The following USP34 variants were observed in gnomAD, a reference collection of about 807,000 sequenced individuals.
USP34 encodes the protein ubiquitin specific peptidase 34, also known as ubiquitin carboxyl-terminal hydrolase 34.
In USP34, 70 loss-of-function variants were observed where a neutral mutation model predicts 460.3. The observed-to-expected ratio is 0.15, with a 90% CI of 0.13 to 0.19. The LOEUF (loss-of-function observed/expected upper bound fraction) is 0.19, where lower values mean the gene tolerates loss of function less well. USP34 is among the 10% of genes least tolerant of loss of function. The probability of loss-of-function intolerance (pLI) is 1.00; values close to 1 mark genes in which losing one functional copy is unlikely to be tolerated. For missense variants in USP34, 3,985 were observed against 4,236.2 expected, an observed-to-expected ratio of 0.94 and a Z score of 1.65; for synonymous variants, 1,647 against 1,405.3, an observed-to-expected ratio of 1.17 and a Z score of -3.85.
intron 22 of USP34, among the ~76,000 whole-genome samples, chr2:61,318,629 A>T (rs926800694): frequency 3.3e-5 from 5 of 152,242 alleles, no homozygotes; most frequent in African/African-American, 1.2e-4. Context: ...TAGTTCATTC[A>T]GAAAAATGTC....
chr2:61,388,936 A>ATAAATTGG (rs1365875616), intron 5 of USP34, among the ~76,000 whole-genome samples: 2 of 152,162 alleles, frequency 1.3e-5, no homozygotes, highest in Admixed American at 6.6e-5. Context: ...CACCAGTAAA[A>ATAAATTGG]TAAATTGGTA....
intron 27 of USP34, among the ~76,000 whole-genome samples, chr2:61,304,934 CA>C (rs1210176211): frequency 1.3e-5 from 2 of 152,052 alleles, no homozygotes; most frequent in African/African-American, 2.4e-5. Context: ...CATTTCAAGA[CA>C]AAATGAAATC....
chr2:61,397,998 G>A (rs1488292327), intron 3 of USP34, among the ~76,000 whole-genome samples: 1 of 152,094 alleles, frequency 6.6e-6, no homozygotes, highest in African/African-American at 2.4e-5. Context: ...ACCCGCTTGG[G>A]GGAGGGGGGT....
chr2:61,421,881 A>T (rs1056627370), intron 1 of USP34, among the ~76,000 whole-genome samples: 4 of 152,196 alleles, frequency 2.6e-5, no homozygotes, highest in South Asian at 2.1e-4. Flanking sequence ...CAGCTCCAGA[A>T]ATGCTGGTAA....
In USP34 at chr2:61,347,893, G is replaced by A. The variant is rs961256182; in HGVS notation, c.2262C>T (p.His754=). 3 of 1,613,082 alleles carry A rather than the reference G, an allele frequency of 1.9e-6. No homozygotes were observed. Among genetic ancestry groups the A allele is most frequent in the Admixed American group, 1.7e-5 (1 of 60,004 alleles). ...ACCCATCGTGGTGGTGGTGATGGTG[G>A]TGGTGGTGGTGGTGATGCTGTGGAC... The part of the protein sequence containing the change: ...FIGPQHHHHH[H]HHHHHHDGHM... Residue 754 remains histidine, a synonymous_variant, in exon 15 of 80, where the codon CAC becomes CAT. Transcript: ENST00000398571.
chr2:61,415,798 C>T (rs908699870), intron 2 of USP34, among the ~76,000 whole-genome samples: 1 of 152,106 alleles, frequency 6.6e-6, no homozygotes. Flanking sequence ...TCAGTTTTAC[C>T]GTTATTTCCA....
intron 70 of USP34, chr2:61,207,989 C>A (rs1199038613): frequency 1.3e-5 from 2 of 152,228 alleles, no homozygotes; most frequent in Non-Finnish European, 2.9e-5. Context: ...GGCTCACGTA[C>A]CTCTGGTGAC....
In USP34 at chr2:61,307,734, A is replaced by C. The variant is rs1690457181; in HGVS notation, c.3817+3806T>G. The stretch of plus-strand genomic sequence containing the variant: ...AGAAGACCGAGAGTACAAAGCTTTA[A>C]AGGAAGTTTATTAGAAAGAAGGGTC... On this transcript the variant is annotated intron_variant, in intron 27 of 79. Coordinates refer to ENST00000398571, the MANE Select transcript of USP34 (RefSeq NM_014709.4). 2.0e-5 allele frequency among the ~76,000 whole-genome samples: 3 copies of C among 152,134 alleles called. No homozygotes were observed. The South Asian group carries it at 6.2e-4, about 32-fold the overall frequency.
intron 1 of USP34, among the ~76,000 whole-genome samples, chr2:61,429,604 G>A (rs1694609119): frequency 6.6e-6 from 1 of 151,696 alleles, no homozygotes. Flanking sequence ...AGGTAACAGG[G>A]CAAGACTACC....
chr2:61,229,483 A>AAAAAAAC, intron 59 of USP34, 65 bp downstream of exon 59: 1 of 805,770 alleles, frequency 1.2e-6, no homozygotes, highest in Non-Finnish European at 1.7e-6. Flanking sequence ...AAACAAAAAA[A>AAAAAAAC]AAAAACAAAA....
At chr2:61,438,281 A>G (rs927979500) in intron 1 of USP34, among the ~76,000 whole-genome samples, 2 of 152,170 alleles carry the variant, frequency 1.3e-5, no homozygotes, top group South Asian at 4.1e-4. Flanking sequence ...AATCGGAAAA[A>G]GCATTTGATA....
intron 42 of USP34, 44 bp from the exon 43 acceptor site, chr2:61,265,601 A>G: frequency 6.4e-7 from 1 of 1,554,758 alleles, no homozygotes; most frequent in Non-Finnish European, 8.7e-7. Context: ...CAAACAAACT[A>G]TGAAACACAA....
At chr2:61,385,671 C>CAAAAAAAAAAAAA (rs61200102) in intron 5 of USP34, among the ~76,000 whole-genome samples, 1 of 46,002 alleles carries the variant, frequency 2.2e-5, no homozygotes, top group Non-Finnish European at 3.7e-5. Flanking sequence ...GACTCTGTCT[C>CAAAAAAAAAAAAA]AAAAAAAAAA....
At chr2:61,403,231 C>CAGG (rs1179062583) in intron 3 of USP34, among the ~76,000 whole-genome samples, 1 of 151,952 alleles carries the variant, frequency 6.6e-6, no homozygotes, top group Non-Finnish European at 1.5e-5. Flanking sequence ...AAACAAAGTA[C>CAGG]AGGAGTGTAA....
At chr2:61,332,659 A>G (rs544505141) in intron 19 of USP34, among the ~76,000 whole-genome samples, 2 of 152,128 alleles carry the variant, frequency 1.3e-5, no homozygotes, top group African/African-American at 4.8e-5. Flanking sequence ...AAAATTATAG[A>G]AAGAGGCAAT....
In USP34 at chr2:61,348,226, C is replaced by T; in HGVS notation, c.1929G>A (p.Arg643=). The part of the protein sequence containing the change: ...PPKSSCGTDL[R]NRKLESQAGI... Reference sequence around the variant, plus strand: ...CTGCTTGACTCTCTAACTTTCTATTCCGAAGATCTGTACCACAACTGCTTT... The same window carrying T: ...CTGCTTGACTCTCTAACTTTCTATTTCGAAGATCTGTACCACAACTGCTTT... The change falls in exon 15 of 80, where the codon CGG becomes CGA. Residue 643 remains arginine, a synonymous_variant. Coordinates refer to ENST00000398571, the MANE Select transcript of USP34 (RefSeq NM_014709.4). 1.2e-6 allele frequency: 2 copies of T among 1,614,200 alleles called. No homozygotes were observed. The highest frequency in any genetic ancestry group is 1.7e-6 in the Non-Finnish European group (2 of 1,180,018).
intron 27 of USP34, among the ~76,000 whole-genome samples, chr2:61,311,156 A>G (rs1438766511): frequency 6.6e-6 from 1 of 152,168 alleles, no homozygotes; most frequent in African/African-American, 2.4e-5. Flanking sequence ...CTCCAATGCA[A>G]CAGGTTTTAG....
chr2:61,328,184 C>T (rs889372566), intron 20 of USP34, among the ~76,000 whole-genome samples: 2 of 151,878 alleles, frequency 1.3e-5, no homozygotes, highest in Non-Finnish European at 2.9e-5. Context: ...CACCTGGATT[C>T]CCAGCTACTC....
Position 61,343,905 on chromosome 2 carries a change from C to G in USP34, c.2410G>C (p.Val804Leu), listed in dbSNP as rs759950967. The G allele has an allele frequency of 3.7e-6, 6 of 1,613,976 alleles. No homozygotes were observed. The Admixed American group carries it at 6.7e-5, about 18-fold the overall frequency. The change falls in exon 16 of 80, where the codon GTT becomes CTT. Residue 804 changes from valine to leucine, a missense_variant. Coordinates refer to ENST00000398571, the MANE Select transcript of USP34 (RefSeq NM_014709.4). Reference sequence around the variant, plus strand: ...AGTTCCGCATGTGAATTAATCTGAACTAGCTCCTCTTCACATCCAGATTCT... The same window carrying G: ...AGTTCCGCATGTGAATTAATCTGAAGTAGCTCCTCTTCACATCCAGATTCT... Reference protein sequence around the residue: ...GEESGCEEELVQINSHAELTS... With the variant: ...GEESGCEEELLQINSHAELTS...
Sources: allele counts gnomAD v4.1 joint callset (sites outside exome capture counted in the v4.1 genomes callset), GRCh38; gene constraint gnomAD v4.1.1; transcripts MANE v1.5; gene names NCBI Gene and HGNC (gene_info 2026-07-23, HGNC 2026-07-21).